SIAH3: variants seen among roughly 807,000 people sequenced by gnomAD.
SIAH3 encodes seven in absentia homolog 3.
In SIAH3, 9 loss-of-function variants were observed where a neutral mutation model predicts 12.6. That is an observed-to-expected ratio of 0.72 (90% CI 0.43 to 1.25). The LOEUF (loss-of-function observed/expected upper bound fraction) is 1.25. SIAH3 is among the 50% of genes most tolerant of loss of function. The pLI is 0.00. For synonymous variants in SIAH3, 154 were observed against 151.1 expected (o/e 1.02, Z -0.14); for missense variants, 390 against 365.4 (o/e 1.07, Z -0.55).
intron 1 of SIAH3, among the ~76,000 whole-genome samples, chr13:45,818,598 C>T (rs1389103566): frequency 6.6e-6 from 1 of 152,244 alleles, no homozygotes; most frequent in East Asian, 1.9e-4. Flanking sequence ...AGCTGGCATT[C>T]CTTGGCTTGT....
At chr13:45,841,477 T>G (rs1950739918) in intron 1 of SIAH3, among the ~76,000 whole-genome samples, 1 of 152,178 alleles carries the variant, frequency 6.6e-6, no homozygotes, top group African/African-American at 2.4e-5. Context: ...CTGTTTCCAG[T>G]GCTGTGCCAC....
At chr13:45,807,549 A>G (rs1189600141) in intron 1 of SIAH3, among the ~76,000 whole-genome samples, 3 of 152,210 alleles carry the variant, frequency 2.0e-5, no homozygotes, top group African/African-American at 7.2e-5. Context: ...TTAGAGAAAA[A>G]AAAATCCCCT....
chr13:45,783,403 G>A lies in SIAH3; in HGVS notation c.790C>T (p.Pro264Ser). ...GIAITATEVL[P>S]SEAEM is the part of the protein sequence containing the mutation. The stretch of plus-strand genomic sequence containing the variant: ...TGGCCTCACATTTCAGCTTCTGAGG[G>A]GAGGACCTCTGTCGCGGTGATGGCA... The change falls in exon 2 of 2, where the codon CCC becomes TCC. Residue 264 changes from proline to serine, a missense_variant. By Grantham distance (74) the Pro-to-Ser change is moderately conservative (BLOSUM62 -1). Transcript: ENST00000400405. 6 of 1,611,970 alleles carry A rather than the reference G, an allele frequency of 3.7e-6. No homozygotes were observed. Among genetic ancestry groups the A allele is most frequent in the Non-Finnish European group, 5.1e-6 (6 of 1,178,278 alleles).
chr13:45,785,247 CA>C (rs1454968431), intron 1 of SIAH3, among the ~76,000 whole-genome samples: 3 of 152,200 alleles, frequency 2.0e-5, no homozygotes, highest in African/African-American at 7.2e-5. Flanking sequence ...GGCAGCTCTG[CA>C]GTGCGCTCCA....
chr13:45,806,977 C>G (rs1487596903), intron 1 of SIAH3, among the ~76,000 whole-genome samples: 3 of 151,962 alleles, frequency 2.0e-5, no homozygotes, highest in Non-Finnish European at 4.4e-5. Flanking sequence ...AATGAGAGAA[C>G]CAACTGGAAA....
rs113596394 is a variant in SIAH3 at position 45,796,423 on chromosome 13, T to A, written c.136-12366A>T. On this transcript the variant is annotated intron_variant, in intron 1 of 1. Transcript: ENST00000400405. ...TGGCCTGTCTGTAGGTCTGGTTGCA[T>A]CAGGTTGCCTGCGATACCAGTAGCT... Among the ~76,000 whole-genome samples the A allele has an allele frequency of 5.1e-3, 770 of 152,210 alleles. 5 individuals carry two copies. Among genetic ancestry groups the A allele is most frequent in the African/African-American group, 0.018 (733 of 41,518 alleles).
intron 1 of SIAH3, 95 bp downstream of exon 1, chr13:45,851,400 C>A: frequency 1.3e-6 from 2 of 1,537,484 alleles, no homozygotes; most frequent in Admixed American, 3.7e-5. Flanking sequence ...CCCGGGTTTG[C>A]AAAGGGCTGC....
chr13:45,846,381 C>G (rs1221390955), intron 1 of SIAH3, among the ~76,000 whole-genome samples: 2 of 152,114 alleles, frequency 1.3e-5, no homozygotes, highest in Non-Finnish European at 2.9e-5. Flanking sequence ...TGAGCCACCG[C>G]ACCTGACCTA....
chr13:45,796,493 T>C (rs9595386), intron 1 of SIAH3, among the ~76,000 whole-genome samples: 79,244 of 151,540 alleles, frequency 0.52, 21,918 homozygotes, highest in African/African-American at 0.65. Context: ...AGGGACGGGC[T>C]CAGGGAGCAT....
At chr13:45,834,967 G>A (rs573869055) in intron 1 of SIAH3, among the ~76,000 whole-genome samples, 1 of 152,288 alleles carries the variant, frequency 6.6e-6, no homozygotes, top group East Asian at 1.9e-4. Context: ...CTTTATAAGT[G>A]TGTATTTAAA....
At chr13:45,820,395 C>T (rs568605260) in intron 1 of SIAH3, among the ~76,000 whole-genome samples, 3 of 152,280 alleles carry the variant, frequency 2.0e-5, no homozygotes, top group African/African-American at 4.8e-5. Flanking sequence ...CCAGGGGCTG[C>T]GTCTCCTCAC....
intron 1 of SIAH3, among the ~76,000 whole-genome samples, chr13:45,826,525 A>G (rs1950678105): frequency 6.7e-6 from 1 of 148,672 alleles, no homozygotes. Context: ...GGATCAATCA[A>G]TAGCGTTCTC....
In SIAH3 at chr13:45,783,653, GTGCCCTTCA is replaced by G. The variant is rs923687244; in HGVS notation, c.531_539del (p.Glu178_His180del). Reference sequence around the variant, plus strand: ...GCATCATGGTGGCAAAGAACTGGGGGTGCCCTTCATGCCTCTCCTGTTTCCTCAGCACCA... The same window carrying G: ...GCATCATGGTGGCAAAGAACTGGGGGTGCCTCTCCTGTTTCCTCAGCACCA... On this transcript the variant is annotated inframe_deletion, in exon 2 of 2. Transcript: ENST00000400405. The G allele has an allele frequency of 8.7e-6, 14 of 1,614,122 alleles. No homozygotes were observed. Among genetic ancestry groups the G allele is most frequent in the Non-Finnish European group, 1.2e-5 (14 of 1,180,000 alleles).
At chr13:45,845,749 T>A (rs1314026060) in intron 1 of SIAH3, among the ~76,000 whole-genome samples, 2 of 152,190 alleles carry the variant, frequency 1.3e-5, no homozygotes, top group Admixed American at 1.3e-4. Context: ...TTTTGGGACT[T>A]TCATCTTTCC....
chr13:45,849,881 G>A (rs1368016552), intron 1 of SIAH3, among the ~76,000 whole-genome samples: 1 of 152,072 alleles, frequency 6.6e-6, no homozygotes, highest in Non-Finnish European at 1.5e-5. Flanking sequence ...TCTTGCCCCA[G>A]GGAACTAACT....
At chr13:45,816,372 G>A (rs1030492057) in intron 1 of SIAH3, among the ~76,000 whole-genome samples, 10 of 152,156 alleles carry the variant, frequency 6.6e-5, no homozygotes, top group African/African-American at 2.4e-4. Context: ...CATGAAGTGA[G>A]GTTTATCCAG....
At chr13:45,806,499 A>G (rs1180571806) in intron 1 of SIAH3, among the ~76,000 whole-genome samples, 1 of 152,204 alleles carries the variant, frequency 6.6e-6, no homozygotes, top group Non-Finnish European at 1.5e-5. Flanking sequence ...TCTCACTTAC[A>G]ACAGGGAGCT....
rs188467590 is a variant in SIAH3, at chr13:45,842,370, G to T, written c.135+9125C>A. On this transcript the variant is annotated intron_variant, in intron 1 of 1. Transcript: ENST00000400405. Reference sequence around the variant, plus strand: ...TCATATGTATATTTTTTGAGACAGGGTCTTGCTCTGCTACCCAGGCTGGAG... The same window carrying T: ...TCATATGTATATTTTTTGAGACAGGTTCTTGCTCTGCTACCCAGGCTGGAG... Among the ~76,000 whole-genome samples, 648 of 152,204 alleles carry T rather than the reference G, an allele frequency of 4.3e-3. 11 individuals are homozygous for T. The Middle Eastern group carries it at 0.044, about 10-fold the overall frequency.
intron 1 of SIAH3, among the ~76,000 whole-genome samples, chr13:45,806,157 G>C (rs1163739492): frequency 6.6e-6 from 1 of 152,176 alleles, no homozygotes; most frequent in African/African-American, 2.4e-5. Flanking sequence ...AAGCAGTTTG[G>C]AGATTTCTCA....
Sources: allele counts gnomAD v4.1 joint callset (sites outside exome capture counted in the v4.1 genomes callset), GRCh38; gene constraint gnomAD v4.1.1; transcripts MANE v1.5; gene names NCBI Gene and HGNC (gene_info 2026-07-23, HGNC 2026-07-21).